The following DGKQ variants were observed in gnomAD, a reference collection of about 807,000 sequenced individuals.
DGKQ encodes the protein DAG kinase theta.
Under a neutral mutation model 104.2 loss-of-function variants are expected in DGKQ, and 97 were observed. That is an observed-to-expected ratio of 0.93 (90% CI 0.79 to 1.10). The LOEUF (loss-of-function observed/expected upper bound fraction) is 1.10. Among genes scored for constraint, DGKQ ranks in the 50% least tolerant of loss-of-function variants. The pLI, the probability that DGKQ is intolerant of heterozygous loss-of-function variation, is 0.00. For missense variants in DGKQ, 1,465 were observed against 1,352.1 expected (o/e 1.08, Z -1.31); for synonymous variants, 736 against 595.2 (o/e 1.24, Z -3.44).
In DGKQ at chr4:973,123, G is replaced by A. The variant is rs1713066253; in HGVS notation, c.271+89C>T. The A allele has an allele frequency of 2.3e-6, 3 of 1,330,644 alleles. No individual in the cohort carries two copies. In the Admixed American group the frequency reaches 1.1e-4, roughly 51 times the overall value. 82.4% of individuals were successfully genotyped at this position (1,330,644 alleles called of 1,614,324 possible). A position where few individuals can be genotyped will look rare whatever the true frequency, so the allele number is the denominator to read the frequency against. ...CTGGGACCCCGCCCTCCACTCCCCCGAAAGCGCCGGTGCCACCTCCGCTCA... is the reference window on the plus strand; with the variant it reads ...CTGGGACCCCGCCCTCCACTCCCCCAAAAGCGCCGGTGCCACCTCCGCTCA... On this transcript the variant is annotated intron_variant, in intron 1 of 22. Coordinates refer to ENST00000273814, the MANE Select transcript of DGKQ (RefSeq NM_001347.4).
chr4:966,651 C>A, intron 11 of DGKQ, 97 bp downstream of exon 11: 1 of 1,509,768 alleles, frequency 6.6e-7, no homozygotes, highest in Non-Finnish European at 9.0e-7. Flanking sequence ...AGAGCCCGGC[C>A]TTGATGTCCG....
intron 17 of DGKQ, 56 bp from the exon 18 acceptor site, chr4:962,669 G>T: frequency 6.3e-7 from 1 of 1,592,084 alleles, no homozygotes; most frequent in East Asian, 2.2e-5. Context: ...CATCAGCTGG[G>T]TGCAGACCCC....
chr4:962,757 C>T lies in DGKQ; in HGVS notation c.2035+15G>A. 1 of 1,601,900 alleles carries T rather than the reference C, an allele frequency of 6.2e-7. No individual in the cohort carries two copies. Among genetic ancestry groups the T allele is most frequent in the Non-Finnish European group, 8.5e-7 (1 of 1,175,034 alleles). ...GACCCTGAGGCCCCCTCCTCGGCTG[C>T]ACGGCTGAGCCCACCTGTGCCCAGG... is the stretch of plus-strand genomic sequence containing the variant. On this transcript the variant is annotated intron_variant, in intron 17 of 22. Coordinates refer to ENST00000273814, the MANE Select transcript of DGKQ (RefSeq NM_001347.4).
At position 973,199 on chromosome 4, in the gene DGKQ, C is replaced by G. The variant is rs1360947820; in HGVS notation, c.271+13G>C. 6.5e-7 allele frequency: 1 copy of G among 1,539,458 alleles called. No individual in the cohort carries two copies. Among genetic ancestry groups the G allele is most frequent in the African/African-American group, 1.4e-5 (1 of 69,682 alleles). On this transcript the variant is annotated intron_variant, in intron 1 of 22. Transcript: ENST00000273814. ...GGGCTGCAGCCGGGTAGGCATCGGG[C>G]CCGGGCGCTCACCGTCGCACAGGAA...
At position 961,751 on chromosome 4, in the gene DGKQ, T is replaced by A. The variant is rs1225631680; in HGVS notation, c.2399A>T (p.Gln800Leu). The A allele has an allele frequency of 1.9e-6, 3 of 1,612,570 alleles. No homozygotes were observed. The highest frequency in any genetic ancestry group is 2.7e-5 in the African/African-American group (2 of 74,900). ...CAGCTCCACCTCCTGCCGCTCCACC[T>A]GCAGCCGGATCTGCTTGTGCAGGCT... ...SRSLHKQIRLQVERQEVELPS... is the reference protein window; with the variant it reads ...SRSLHKQIRLLVERQEVELPS... The change falls in exon 20 of 23, where the codon CAG becomes CTG. Residue 800 changes from glutamine to leucine, a missense_variant. Gln to Leu is a moderately radical substitution (Grantham distance 113). Transcript: ENST00000273814.
chr4:962,522 G>T lies in DGKQ; in HGVS notation c.2127C>A (p.Ala709=). The part of the protein sequence containing the change: ...SVLLSVDEAD[A]VLMDRWTILL... Reference sequence around the variant, plus strand: ...GGATGGTCCAGCGGTCCATGAGCACGGCGTCGGCCTCGTCCACAGACAGCA... The same window carrying T: ...GGATGGTCCAGCGGTCCATGAGCACTGCGTCGGCCTCGTCCACAGACAGCA... Residue 709 remains alanine, a synonymous_variant, in exon 18 of 23, where the codon GCC becomes GCA. Coordinates refer to ENST00000273814, the MANE Select transcript of DGKQ (RefSeq NM_001347.4). 1 of 1,610,026 alleles carries T rather than the reference G, an allele frequency of 6.2e-7. No individual in the cohort carries two copies.
intron 10 of DGKQ, 64 bp downstream of exon 10, chr4:966,900 C>T (rs1712399749): frequency 6.5e-7 from 1 of 1,549,702 alleles, no homozygotes; most frequent in African/African-American, 1.4e-5. Context: ...GTGGCCTGGC[C>T]TCCTGGGGAC....
At position 961,820 on chromosome 4, in the gene DGKQ, C is replaced by A; in HGVS notation, c.2330G>T (p.Gly777Val). ...GKFTSRLHNKGVYVRVGLQKI... is the reference protein window; with the variant it reads ...GKFTSRLHNKVVYVRVGLQKI... ...CTGCAGCCCCACCCGCACGTACACA[C>A]CCTTGTTGTGCAGCCTGCAGGACGG... Residue 777 changes from glycine to valine, a missense_variant, in exon 20 of 23, where the codon GGT (glycine) becomes GTT (valine). Coordinates refer to ENST00000273814, the MANE Select transcript of DGKQ (RefSeq NM_001347.4). 6.2e-7 allele frequency: 1 copy of A among 1,602,312 alleles called. No individual in the cohort carries two copies. The highest frequency in any genetic ancestry group is 1.1e-5 in the South Asian group (1 of 89,500).
intron 12 of DGKQ, 139 bp downstream of exon 12, chr4:966,327 G>A (rs993834246): frequency 2.5e-5 from 25 of 995,314 alleles, no homozygotes; most frequent in African/African-American, 1.9e-4. Flanking sequence ...AGCTCATGAC[G>A]AGGGCGCTGC....
chr4:961,898 G>A (rs1182210832), intron 19 of DGKQ, 64 bp from the exon 20 acceptor site: 14 of 1,604,050 alleles, frequency 8.7e-6, no homozygotes, highest in Non-Finnish European at 1.1e-5. Flanking sequence ...GCAGCCTCCG[G>A]GTTCCGGCCC....
chr4:966,516 T>C lies in DGKQ; in HGVS notation c.1378A>G (p.Met460Val). 6.2e-7 allele frequency: 1 copy of C among 1,612,418 alleles called. No homozygotes were observed. The highest frequency in any genetic ancestry group is 8.5e-7 in the Non-Finnish European group (1 of 1,179,654). Residue 460 changes from methionine (M) to valine (V), a missense_variant, in exon 12 of 23, where the codon ATG (methionine) becomes GTG (valine). Met to Val is a conservative substitution (Grantham distance 21, BLOSUM62 1). Coordinates refer to ENST00000273814, the MANE Select transcript of DGKQ (RefSeq NM_001347.4). ...AGCAGGGGCTGTTCGTCCATCAGCA[T>C]CGTCCGCTGGACTGCAGAGGTGAGG... ...AMGCRHVQRT[M>V]LMDEQPLLDR...
chr4:964,248 T>C (rs988224198), intron 15 of DGKQ, among the ~76,000 whole-genome samples: 6 of 152,082 alleles, frequency 3.9e-5, no homozygotes, highest in African/African-American at 1.4e-4. Flanking sequence ...GAGGGAGGCA[T>C]AGCAGGGAGC....
intron 8 of DGKQ, 42 bp from the exon 9 acceptor site, chr4:967,403 A>AGTGGGGGGTCG (rs1712477385): frequency 9.1e-7 from 1 of 1,093,956 alleles, no homozygotes; most frequent in African/African-American, 1.6e-5. Context: ...GTGGGGGGTC[A>AGTGGGGGGTCG]GGCGGGGTTC....
At position 963,174 on chromosome 4, in the gene DGKQ, C is replaced by T. The variant is rs1401260749; in HGVS notation, c.1851G>A (p.Gln617=). Residue 617 remains glutamine, a synonymous_variant, in exon 16 of 23, where the codon CAG becomes CAA. Coordinates refer to ENST00000273814, the MANE Select transcript of DGKQ (RefSeq NM_001347.4). ...CSFRKLLNPH[Q]VFDLTNGGPL... is the part of the protein sequence containing the mutation. Reference sequence around the variant, plus strand: ...GACCTCCGTTGGTCAGGTCGAAGACCTGATGAGGGTTCAGTAGCTTCCGGA... The same window carrying T: ...GACCTCCGTTGGTCAGGTCGAAGACTTGATGAGGGTTCAGTAGCTTCCGGA... 2.5e-6 allele frequency: 4 copies of T among 1,609,796 alleles called. No homozygotes were observed. The South Asian group carries it at 3.3e-5, about 13-fold the overall frequency.
intron 2 of DGKQ, among the ~76,000 whole-genome samples, chr4:970,043 G>A (rs557116701): frequency 3.3e-5 from 5 of 152,376 alleles, no homozygotes; most frequent in East Asian, 1.9e-4. Flanking sequence ...TCCACATGAC[G>A]AGGGGCCGCC....
intron 20 of DGKQ, 35 bp downstream of exon 20, chr4:961,653 G>T (rs774157957): frequency 1.2e-6 from 2 of 1,611,478 alleles, no homozygotes; most frequent in South Asian, 2.2e-5. Context: ...TGGCCCCGCC[G>T]GGCAGAGCCT....
At position 968,569 on chromosome 4, in the gene DGKQ, G is replaced by A. The variant is rs765095469; in HGVS notation, c.452-5C>T. The A allele has an allele frequency of 1.1e-5, 17 of 1,603,380 alleles. No individual in the cohort carries two copies. The highest frequency in any genetic ancestry group is 2.2e-5 in the East Asian group (1 of 44,504). Reference sequence around the variant, plus strand: ...GGTGGAGGTGCAGCTCACACACTGGGGGGCAGGCAGGGTTAGAGGTGTCTG... The same window carrying A: ...GGTGGAGGTGCAGCTCACACACTGGAGGGCAGGCAGGGTTAGAGGTGTCTG... On this transcript the variant is annotated splice_polypyrimidine_tract_variant and splice_region_variant and intron_variant, in intron 3 of 22. Coordinates refer to ENST00000273814, the MANE Select transcript of DGKQ (RefSeq NM_001347.4).
At position 961,129 on chromosome 4, in the gene DGKQ, TGAG is replaced by T. The variant is rs1157315754; in HGVS notation, c.2644_2646del (p.Leu882del). The T allele has an allele frequency of 1.2e-6, 2 of 1,608,322 alleles. No homozygotes were observed. The highest frequency in any genetic ancestry group is 2.7e-5 in the African/African-American group (2 of 74,634). On this transcript the variant is annotated inframe_deletion, in exon 22 of 23. Transcript: ENST00000273814. Reference sequence around the variant, plus strand: ...CCGTCCACCTGCACCGGGGTGGCCTTGAGGAGCGTGACTCGGAAGTAGGAACCC... The same window carrying T: ...CCGTCCACCTGCACCGGGGTGGCCTTGAGCGTGACTCGGAAGTAGGAACCC...
Position 966,893 on chromosome 4 carries a change from G to C in DGKQ, c.1311+71C>G, listed in dbSNP as rs1204412199. 1.9e-6 allele frequency: 3 copies of C among 1,551,800 alleles called. No homozygotes were observed. In the African/African-American group the frequency reaches 4.1e-5, roughly 21 times the overall value. On this transcript the variant is annotated intron_variant, in intron 10 of 22. Transcript: ENST00000273814. ...CAGCCACGCCTGGGCTGGGATGGTG[G>C]CCTGGCCTCCTGGGGACAGCGACCC...
Sources: gnomAD v4.1 joint callset for allele counts (sites outside exome capture counted in the v4.1 genomes callset) on GRCh38, gnomAD v4.1.1 for gene constraint, MANE v1.5 for transcripts, NCBI Gene and HGNC (gene_info 2026-07-23, HGNC 2026-07-21) for gene names.